SLC35F4: variants seen among roughly 807,000 people sequenced by gnomAD.
SLC35F4 encodes the protein solute carrier family 35 member F4, also known as chromosome 14 open reading frame 36.
SLC35F4 carries 24 observed loss-of-function variants against 44.2 expected under a neutral mutation model. That is an observed-to-expected ratio of 0.54 (90% CI 0.39 to 0.76). The LOEUF is 0.76. SLC35F4 is among the 30% of genes least tolerant of loss of function. The pLI, the probability that SLC35F4 is intolerant of heterozygous loss-of-function variation, is 0.00. For missense variants in SLC35F4, 562 were observed against 586.1 expected (o/e 0.96, Z 0.42); for synonymous variants, 238 against 223.6 (o/e 1.06, Z -0.57).
At chr14:57,706,785 A>T (rs1444888922) in intron 1 of SLC35F4, among the ~76,000 whole-genome samples, 3 of 152,162 alleles carry the variant, frequency 2.0e-5, no homozygotes, top group Admixed American at 6.5e-5. Flanking sequence ...CTATAGTAGA[A>T]TGAATACAAG....
intron 1 of SLC35F4, among the ~76,000 whole-genome samples, chr14:57,895,921 T>A (rs572709261): frequency 3.9e-5 from 6 of 152,116 alleles, no homozygotes; most frequent in Non-Finnish European, 8.8e-5. Flanking sequence ...ATCACACTGA[T>A]GGAAGGTAGT....
intron 1 of SLC35F4, among the ~76,000 whole-genome samples, chr14:57,610,929 G>A (rs1172304473): frequency 6.6e-6 from 1 of 152,242 alleles, no homozygotes; most frequent in Non-Finnish European, 1.5e-5. Context: ...GCATGTGTAA[G>A]CAAATACATC....
intron 1 of SLC35F4, among the ~76,000 whole-genome samples, chr14:57,823,638 A>G (rs62004971): frequency 0.028 from 4,332 of 152,240 alleles, 117 homozygotes; most frequent in African/African-American, 0.075. Flanking sequence ...TGGCTCTATG[A>G]TGTTAAAAGT....
chr14:57,834,504 A>G (rs1216008265), intron 1 of SLC35F4, among the ~76,000 whole-genome samples: 2 of 152,232 alleles, frequency 1.3e-5, no homozygotes, highest in African/African-American at 4.8e-5. Flanking sequence ...CTTTTTGCTT[A>G]CAAAGTAAAA....
In SLC35F4 at chr14:57,716,134, T is replaced by G. The variant is rs141847361; in HGVS notation, c.104-122010A>C. 2.7e-4 allele frequency among the ~76,000 whole-genome samples: 41 copies of G among 152,268 alleles called. 1 individual carries two copies. The highest frequency in any genetic ancestry group is 9.4e-4 in the African/African-American group (39 of 41,544). On this transcript the variant is annotated intron_variant, in intron 1 of 7. Coordinates refer to ENST00000556826, the MANE Select transcript of SLC35F4 (RefSeq NM_001306087.2). ...AACACCACTGTGTGCGTGCGGGTTT[T>G]CATGCCATTCATCCACTGAAGGCAG...
chr14:57,930,054 C>G (rs1220468725), intron 1 of SLC35F4, among the ~76,000 whole-genome samples: 2 of 152,202 alleles, frequency 1.3e-5, no homozygotes, highest in African/African-American at 4.8e-5. Flanking sequence ...AAAACTTCCT[C>G]TCCAAGATGG....
At chr14:57,736,948 G>GCT (rs541568052) in intron 1 of SLC35F4, among the ~76,000 whole-genome samples, 1 of 151,706 alleles carries the variant, frequency 6.6e-6, no homozygotes, top group African/African-American at 2.4e-5. Context: ...ACACTGCACT[G>GCT]TTTTTTTTCT....
At chr14:57,922,344 A>G (rs1889459283) in intron 1 of SLC35F4, among the ~76,000 whole-genome samples, 1 of 152,092 alleles carries the variant, frequency 6.6e-6, no homozygotes, top group African/African-American at 2.4e-5. Context: ...CCCCTTCCAC[A>G]CCCAAAGAAG....
chr14:57,839,112 C>A (rs186259310), intron 1 of SLC35F4, among the ~76,000 whole-genome samples: 1 of 152,176 alleles, frequency 6.6e-6, no homozygotes, highest in East Asian at 1.9e-4. Context: ...TGGCCCCTGA[C>A]CTCTGGGGCT....
At chr14:57,977,964 G>T (rs543510343) in intron 1 of SLC35F4, among the ~76,000 whole-genome samples, 2 of 152,332 alleles carry the variant, frequency 1.3e-5, no homozygotes, top group Non-Finnish European at 2.9e-5. Flanking sequence ...TGGTTTGGTT[G>T]TTTGGTCAGG....
chr14:57,592,405 G>C (rs2070248281), intron 2 of SLC35F4, among the ~76,000 whole-genome samples: 1 of 152,112 alleles, frequency 6.6e-6, no homozygotes, highest in African/African-American at 2.4e-5. Context: ...TTGGTGCACT[G>C]GAATATCCCC....
chr14:57,620,785 C>G (rs1363450257), intron 1 of SLC35F4, among the ~76,000 whole-genome samples: 2 of 152,160 alleles, frequency 1.3e-5, no homozygotes, highest in African/African-American at 2.4e-5. Flanking sequence ...CTCACCACTC[C>G]TATTCAACAT....
intron 2 of SLC35F4, among the ~76,000 whole-genome samples, chr14:57,592,411 T>TCC (rs548836372): frequency 1.3e-5 from 2 of 152,226 alleles, no homozygotes; most frequent in African/African-American, 4.8e-5. Flanking sequence ...CACTGGAATA[T>TCC]CCCCAAGTGC....
intron 1 of SLC35F4, among the ~76,000 whole-genome samples, chr14:57,769,711 G>A (rs1464561048): frequency 2.6e-5 from 4 of 152,120 alleles, no homozygotes; most frequent in Admixed American, 2.6e-4. Flanking sequence ...GGGCCCCTAT[G>A]GAAAGTATGG....
upstream of SLC35F4, among the ~76,000 whole-genome samples, chr14:57,868,733 G>A (rs897136197): frequency 6.6e-6 from 1 of 152,020 alleles, no homozygotes; most frequent in Non-Finnish European, 1.5e-5. Flanking sequence ...CAAAGTGCTG[G>A]GACTACAGGC....
chr14:57,770,393 T>C (rs573543425), intron 1 of SLC35F4, among the ~76,000 whole-genome samples: 3 of 152,334 alleles, frequency 2.0e-5, no homozygotes, highest in East Asian at 3.9e-4. Flanking sequence ...CGGGGAGTTG[T>C]TGGGCATAGT....
intron 1 of SLC35F4, among the ~76,000 whole-genome samples, chr14:57,621,347 C>T (rs1306966252): frequency 3.3e-5 from 5 of 151,722 alleles, no homozygotes; most frequent in Admixed American, 6.6e-5. Flanking sequence ...CAAAAAAGAG[C>T]CTGCATCGCC....
downstream of SLC35F4, among the ~76,000 whole-genome samples, chr14:57,974,640 C>G (rs374580192): frequency 7.2e-5 from 11 of 152,244 alleles, no homozygotes; most frequent in African/African-American, 2.6e-4. Flanking sequence ...CAGGACTTAT[C>G]CTCTGGGTGG....
chr14:57,716,256 A>C (rs1389793212), intron 1 of SLC35F4, among the ~76,000 whole-genome samples: 3 of 151,942 alleles, frequency 2.0e-5, no homozygotes, highest in Admixed American at 2.0e-4. Context: ...TCCTATCTTA[A>C]CAAGTAGTTT....
Sources: allele counts gnomAD v4.1 joint callset (sites outside exome capture counted in the v4.1 genomes callset), GRCh38; gene constraint gnomAD v4.1.1; transcripts MANE v1.5; gene names NCBI Gene and HGNC (gene_info 2026-07-23, HGNC 2026-07-21).